STK33: variants seen among roughly 807,000 people sequenced by gnomAD.
STK33 encodes serine/threonine-protein kinase 33.
STK33 carries 52 observed loss-of-function variants against 58.0 expected under a neutral mutation model. The ratio of observed to expected loss-of-function variants is 0.90; its 90% CI spans 0.72 to 1.13. The LOEUF (loss-of-function observed/expected upper bound fraction) is 1.13, where lower values mean the gene tolerates loss of function less well. Among genes scored for constraint, STK33 ranks in the 50% most tolerant of loss-of-function variants. The probability of loss-of-function intolerance (pLI) is 0.00; values close to 1 mark genes in which losing one functional copy is unlikely to be tolerated. For missense variants in STK33, 630 were observed against 604.2 expected, an observed-to-expected ratio of 1.04 and a Z score of -0.45; for synonymous variants, 215 against 200.1, an observed-to-expected ratio of 1.07 and a Z score of -0.63.
At chr11:8,547,413 C>T (rs895143428) in intron 1 of STK33, among the ~76,000 whole-genome samples, 3 of 152,128 alleles carry the variant, frequency 2.0e-5, no homozygotes, top group African/African-American at 7.2e-5. Context: ...GAGGTTTCAC[C>T]ATGTTGACCA....
At chr11:8,503,475 G>A (rs1310110993) in intron 1 of STK33, among the ~76,000 whole-genome samples, 3 of 151,976 alleles carry the variant, frequency 2.0e-5, no homozygotes, top group African/African-American at 4.8e-5. Flanking sequence ...TGAGAATGGA[G>A]GGTGAGAGGA....
intron 14 of STK33, among the ~76,000 whole-genome samples, chr11:8,432,115 A>G (rs554040756): frequency 6.6e-6 from 1 of 152,362 alleles, no homozygotes; most frequent in South Asian, 2.1e-4. Flanking sequence ...TGTACACACA[A>G]TGTGTTGAAG....
intron 1 of STK33, among the ~76,000 whole-genome samples, chr11:8,537,632 C>T (rs918334957): frequency 2.0e-5 from 3 of 151,636 alleles, no homozygotes; most frequent in Admixed American, 6.6e-5. Context: ...ATGTGCCAAG[C>T]GCTGTGGCTC....
intron 6 of STK33, among the ~76,000 whole-genome samples, chr11:8,468,637 T>G (rs548607234): frequency 1.3e-5 from 2 of 152,328 alleles, no homozygotes; most frequent in East Asian, 3.9e-4. Flanking sequence ...TAAAAGCTCC[T>G]AAAGGTGCTG....
At chr11:8,466,208 G>A (rs1346357352) in intron 6 of STK33, 1 of 152,080 alleles carries the variant, frequency 6.6e-6, no homozygotes, top group Non-Finnish European at 1.5e-5. Flanking sequence ...AACCAATCAT[G>A]CCTTCCCAAC....
intron 5 of STK33, 35 bp from the exon 6 acceptor site, chr11:8,473,311 T>C (rs755067014): frequency 9.8e-6 from 12 of 1,230,472 alleles, no homozygotes; most frequent in Admixed American, 4.0e-5. Flanking sequence ...AAAAAAAACT[T>C]TAAGATGTAA....
At chr11:8,550,018 G>A (rs1471363268) in intron 1 of STK33, among the ~76,000 whole-genome samples, 2 of 152,042 alleles carry the variant, frequency 1.3e-5, no homozygotes, top group African/African-American at 4.8e-5. Context: ...TATTAACTTT[G>A]TACTTTGTAT....
intron 15 of STK33, among the ~76,000 whole-genome samples, chr11:8,396,314 G>A (rs1484747654): frequency 6.6e-6 from 1 of 152,152 alleles, no homozygotes; most frequent in Non-Finnish European, 1.5e-5. Context: ...ATGTTGGCCA[G>A]GATGATCTCA....
At chr11:8,422,868 A>G (rs1036344446) in intron 14 of STK33, among the ~76,000 whole-genome samples, 7 of 151,386 alleles carry the variant, frequency 4.6e-5, no homozygotes, top group Admixed American at 1.3e-4. Context: ...ATTGTCACCC[A>G]GGCTGGAGTG....
At chr11:8,441,732 T>C (rs1423850477) in intron 11 of STK33, among the ~76,000 whole-genome samples, 3 of 152,066 alleles carry the variant, frequency 2.0e-5, no homozygotes, top group African/African-American at 7.2e-5. Context: ...GAATCAGATA[T>C]ATTTAAGAAA....
chr11:8,403,235 T>A (rs553113414), intron 15 of STK33, among the ~76,000 whole-genome samples: 1 of 152,332 alleles, frequency 6.6e-6, no homozygotes, highest in South Asian at 2.1e-4. Context: ...CAGAAAAACC[T>A]AGCTATCATC....
intron 15 of STK33, among the ~76,000 whole-genome samples, chr11:8,399,812 A>G (rs1590747694): frequency 6.6e-6 from 1 of 152,360 alleles, no homozygotes; most frequent in East Asian, 1.9e-4. Context: ...ACAGAAATAC[A>G]AACTACCATC....
At chr11:8,426,495 G>C (rs1254699871) in intron 14 of STK33, among the ~76,000 whole-genome samples, 3 of 148,698 alleles carry the variant, frequency 2.0e-5, no homozygotes, top group African/African-American at 5.2e-5. Flanking sequence ...CACATGCCTG[G>C]GGGTGGAGCC....
the STK33 span, among the ~76,000 whole-genome samples, chr11:8,377,091 C>T: frequency 1.3e-5 from 2 of 152,236 alleles, no homozygotes; most frequent in African/African-American, 4.8e-5. Context: ...ACTAACTCGA[C>T]AGTGCCCCTT....
rs548219330 is a variant in STK33, at chr11:8,393,991, G to A, written c.1345-1281C>T. Among the ~76,000 whole-genome samples the A allele has an allele frequency of 1.8e-4, 28 of 152,200 alleles. No homozygotes were observed. In the South Asian group the frequency reaches 1.9e-3, roughly 10 times the overall value. ...GTGTCTGATTTTATAACCAGTATATGCTAATTCTTGAGCAGGTAACACTTA... is the reference window on the plus strand; with the variant it reads ...GTGTCTGATTTTATAACCAGTATATACTAATTCTTGAGCAGGTAACACTTA... On this transcript the variant is annotated intron_variant, in intron 15 of 15. Transcript: ENST00000687296.
the STK33 span, among the ~76,000 whole-genome samples, chr11:8,348,137 C>T: frequency 6.6e-6 from 1 of 152,232 alleles, no homozygotes; most frequent in Admixed American, 6.5e-5. Flanking sequence ...TGACCCCTCA[C>T]CTCTTTTCCT....
At chr11:8,506,718 G>A (rs1384911223) in intron 1 of STK33, among the ~76,000 whole-genome samples, 3 of 152,094 alleles carry the variant, frequency 2.0e-5, no homozygotes, top group Admixed American at 6.6e-5. Flanking sequence ...GAATTAGGAC[G>A]TGGACACCTT....
intron 15 of STK33, among the ~76,000 whole-genome samples, chr11:8,396,524 C>T (rs1464938795): frequency 6.6e-6 from 1 of 152,202 alleles, no homozygotes; most frequent in Non-Finnish European, 1.5e-5. Context: ...ATAGGAACAG[C>T]TCCAGTCTAC....
At chr11:8,383,653 A>G in the STK33 span, among the ~76,000 whole-genome samples, 1 of 152,236 alleles carries the variant, frequency 6.6e-6, no homozygotes, top group African/African-American at 2.4e-5. Context: ...TTCAGATTCA[A>G]TTAATCAAGC....
Sources: gnomAD v4.1 joint callset for allele counts (sites outside exome capture counted in the v4.1 genomes callset) on GRCh38, gnomAD v4.1.1 for gene constraint, MANE v1.5 for transcripts, NCBI Gene and HGNC (gene_info 2026-07-23, HGNC 2026-07-21) for gene names.